The following ITGA2 variants were observed in gnomAD, a reference collection of about 807,000 sequenced individuals.
ITGA2 encodes the protein integrin alpha-2.
In ITGA2, 101 loss-of-function variants were observed where a neutral mutation model predicts 146.3. That is an observed-to-expected ratio of 0.69 (90% CI 0.59 to 0.81). The LOEUF (loss-of-function observed/expected upper bound fraction) is 0.81. Ranked by LOEUF, ITGA2 falls within the 40% of genes least tolerant of loss-of-function variation. The pLI is 0.00. For synonymous variants in ITGA2, 477 were observed against 487.1 expected (o/e 0.98, Z 0.27); for missense variants, 1,281 against 1,402.7 (o/e 0.91, Z 1.39).
At chr5:53,017,909 G>A (rs1394400906) in intron 1 of ITGA2, among the ~76,000 whole-genome samples, 5 of 152,182 alleles carry the variant, frequency 3.3e-5, no homozygotes, top group East Asian at 1.9e-4. Flanking sequence ...GAGAGGCTGC[G>A]GTTGGGGAGG....
chr5:53,021,710 C>T (rs1164300863), intron 1 of ITGA2, among the ~76,000 whole-genome samples: 1 of 152,204 alleles, frequency 6.6e-6, no homozygotes, highest in Non-Finnish European at 1.5e-5. Context: ...TCTGTGCTCA[C>T]AGTTAGAGAT....
At chr5:53,033,575 A>G (rs1273423765) in intron 2 of ITGA2, among the ~76,000 whole-genome samples, 1 of 151,916 alleles carries the variant, frequency 6.6e-6, no homozygotes, top group African/African-American at 2.4e-5. Flanking sequence ...GAGTTTGCTT[A>G]TATCTTATTT....
rs2287871 is a variant in ITGA2 at position 53,071,876 on chromosome 5, T to C, written c.2236-62T>C. The C allele has an allele frequency of 0.48, 555,317 of 1,152,200 alleles. 134,645 individuals carry two copies. The highest frequency in any genetic ancestry group is 0.52 in the Middle Eastern group (2,711 of 5,180). The allele number at this position is 1,152,200 out of a possible 1,614,324, so 71.4% of individuals were successfully genotyped here. A position where few individuals can be genotyped will look rare whatever the true frequency, so the allele number is the denominator to read the frequency against. On this transcript the variant is annotated intron_variant, in intron 17 of 29. Transcript: ENST00000296585. ...TTGGAATCATTTTCTTGTTTTAATGTTGCTATGCTCTAATAAACTGACTCT... is the reference window on the plus strand; with the variant it reads ...TTGGAATCATTTTCTTGTTTTAATGCTGCTATGCTCTAATAAACTGACTCT...
chr5:53,062,961 T>C, intron 13 of ITGA2, 32 bp downstream of exon 13: 1 of 1,561,860 alleles, frequency 6.4e-7, no homozygotes, highest in Non-Finnish European at 8.8e-7. Flanking sequence ...AATAGTTTAA[T>C]TTGCTTTAGT....
At chr5:53,019,571 G>A (rs932950200) in intron 1 of ITGA2, among the ~76,000 whole-genome samples, 2 of 152,158 alleles carry the variant, frequency 1.3e-5, no homozygotes, top group African/African-American at 4.8e-5. Context: ...TGTGGTCCAG[G>A]CTGCAGTGCA....
rs571614805 is a variant in ITGA2, at chr5:53,032,297, T to C, written c.185+5429T>C. Among the ~76,000 whole-genome samples, 21 of 152,286 alleles carry C rather than the reference T, an allele frequency of 1.4e-4. No homozygotes were observed. The South Asian group carries it at 3.1e-3, about 23-fold the overall frequency. On this transcript the variant is annotated intron_variant, in intron 2 of 29. Transcript: ENST00000296585. The stretch of plus-strand genomic sequence containing the variant: ...CCACAGATGTGCCTATAGGAGAACT[T>C]TAAATAAAAAAAAAAGTTTAATTCT...
intron 29 of ITGA2, 29 bp downstream of exon 29, chr5:53,090,091 A>G (rs752673144): frequency 6.6e-6 from 9 of 1,361,438 alleles, no homozygotes; most frequent in Non-Finnish European, 9.5e-6. Context: ...TTTAAAATAC[A>G]GGGCTCCTGA....
Position 53,091,414 on chromosome 5 carries a change from A to G in ITGA2, c.*815A>G, listed in dbSNP as rs1371819276. ...TGTGCCAGAGGAAGGAAAAGGAGGAAATTTCCTTTCTCTTTTAGGAGGCAC... is the reference window on the plus strand; with the variant it reads ...TGTGCCAGAGGAAGGAAAAGGAGGAGATTTCCTTTCTCTTTTAGGAGGCAC... On this transcript the variant is annotated 3_prime_UTR_variant, in exon 30 of 30. Coordinates refer to ENST00000296585, the MANE Select transcript of ITGA2 (RefSeq NM_002203.4). 1 of 152,180 alleles carries G rather than the reference A, an allele frequency of 6.6e-6. No individual in the cohort carries two copies. The highest frequency in any genetic ancestry group is 1.5e-5 in the Non-Finnish European group (1 of 68,032). 9.4% of individuals were successfully genotyped at this position (152,180 alleles called of 1,614,324 possible). A position where few individuals can be genotyped will look rare whatever the true frequency, so the allele number is the denominator to read the frequency against.
chr5:53,033,318 C>G (rs1294507319), intron 2 of ITGA2, among the ~76,000 whole-genome samples: 1 of 151,984 alleles, frequency 6.6e-6, no homozygotes, highest in Non-Finnish European at 1.5e-5. Flanking sequence ...TCAACCAATT[C>G]TCATCTGTCA....
Position 53,044,453 on chromosome 5 carries a change from C to G in ITGA2, c.296-548C>G, listed in dbSNP as rs3212673. On this transcript the variant is annotated intron_variant, in intron 3 of 29. Transcript: ENST00000296585. The stretch of plus-strand genomic sequence containing the variant: ...TAAAGAGAATTGCAATGTTCGATAA[C>G]TCAAGAATGGATACAGTGGTTGATG... 1.2e-4 allele frequency among the ~76,000 whole-genome samples: 18 copies of G among 151,990 alleles called. 1 individual carries two copies. The highest frequency in any genetic ancestry group is 2.6e-4 in the Admixed American group (4 of 15,234).
chr5:53,065,719 G>T (rs1745115485), intron 14 of ITGA2, 122 bp from the exon 15 acceptor site: 10 of 1,272,610 alleles, frequency 7.9e-6, no homozygotes, highest in Admixed American at 1.9e-5. Flanking sequence ...TTTAGAATTT[G>T]TAGAGAATAA....
chr5:53,034,826 C>T (rs1440267574), intron 2 of ITGA2, among the ~76,000 whole-genome samples: 1 of 152,136 alleles, frequency 6.6e-6, no homozygotes, highest in Non-Finnish European at 1.5e-5. Flanking sequence ...TATTAACTTG[C>T]TGTGCCCCAT....
chr5:53,051,368 T>C (rs781548957), intron 6 of ITGA2, 43 bp from the exon 7 acceptor site: 28 of 1,593,936 alleles, frequency 1.8e-5, no homozygotes. Context: ...AAATTATTTT[T>C]AATGTAATGA....
intron 1 of ITGA2, among the ~76,000 whole-genome samples, chr5:53,003,473 A>G (rs1741683641): frequency 6.6e-6 from 1 of 152,106 alleles, no homozygotes; most frequent in African/African-American, 2.4e-5. Flanking sequence ...TCTCTCACAT[A>G]CTGTTAGAGG....
Position 53,075,048 on chromosome 5 carries a change from A to T in ITGA2, c.2665-13A>T. On this transcript the variant is annotated splice_polypyrimidine_tract_variant and intron_variant, in intron 21 of 29. Transcript: ENST00000296585. ...AAGCATCATAGACTGAGAAATTTTA[A>T]TTTTGTCTTTAGGTGACTTTTACTA... The T allele has an allele frequency of 6.3e-7, 1 of 1,585,480 alleles. No individual in the cohort carries two copies. The highest frequency in any genetic ancestry group is 8.6e-7 in the Non-Finnish European group (1 of 1,156,206).
Position 53,065,835 on chromosome 5 carries a change from T to G in ITGA2, c.1807-6T>G, listed in dbSNP as rs3212555. On this transcript the variant is annotated splice_region_variant and splice_polypyrimidine_tract_variant and intron_variant, in intron 14 of 29. Transcript: ENST00000296585. ...CTATAATTTCGTGTCAAACCTGCTC[T>G]TTTAGAAAATCTTGGGATCCGATGG... 2 of 1,611,774 alleles carry G rather than the reference T, an allele frequency of 1.2e-6. No homozygotes were observed. Among genetic ancestry groups the G allele is most frequent in the Non-Finnish European group, 1.7e-6 (2 of 1,178,506 alleles).
intron 11 of ITGA2, 75 bp downstream of exon 11, chr5:53,060,087 G>A (rs1744831744): frequency 6.8e-7 from 1 of 1,461,402 alleles, no homozygotes; most frequent in Non-Finnish European, 9.6e-7. Context: ...GAATCTCAGG[G>A]TGAGTTCAGC....
rs530127630 is a variant in ITGA2, at chr5:53,070,124, T to C, written c.2099T>C (p.Ile700Thr). 208 of 1,610,914 alleles carry C rather than the reference T, an allele frequency of 1.3e-4. 2 individuals are homozygous for C. In the South Asian group the frequency reaches 2.1e-3, roughly 17 times the overall value. Residue 700 changes from isoleucine to threonine, a missense_variant, in exon 17 of 30, where the codon ATC becomes ACC. Ile to Thr is a moderately conservative substitution (Grantham distance 89). Transcript: ENST00000296585. Reference sequence around the variant, plus strand: ...TTTATCATAGCCATTGTATATAACATCACACTTGATGCAGATGGATTTTCA... The same window carrying C: ...TTTATCATAGCCATTGTATATAACACCACACTTGATGCAGATGGATTTTCA... ...QNNQVAIVYNITLDADGFSSR... is the reference protein window; with the variant it reads ...QNNQVAIVYNTTLDADGFSSR...
Position 53,058,089 on chromosome 5 carries a change from C to A in ITGA2, c.1161C>A (p.Tyr387Ter). 1 of 1,610,240 alleles carries A rather than the reference C, an allele frequency of 6.2e-7. No individual in the cohort carries two copies. The highest frequency in any genetic ancestry group is 1.7e-5 in the Admixed American group (1 of 59,832). The part of the protein sequence containing the change: ...EMSQVGFSAD[Y>*]SSQNDILMLG... ...CACAAGTGGGATTCAGTGCAGATTA[C>A]TCTTCTCAAAATGTGCGTATATCAG... The change falls in exon 10 of 30, where the codon TAC becomes TAA. Residue 387 changes from tyrosine (Y) to a stop codon, truncating the protein, a stop_gained. Transcript: ENST00000296585. LOFTEE classifies it high-confidence loss of function.
Sources: allele counts gnomAD v4.1 joint callset (sites outside exome capture counted in the v4.1 genomes callset), GRCh38; gene constraint gnomAD v4.1.1; transcripts MANE v1.5; gene names NCBI Gene and HGNC (gene_info 2026-07-23, HGNC 2026-07-21).